Variants in SLC9A7 observed in about 807,000 individuals in gnomAD.
SLC9A7 encodes sodium/hydrogen exchanger 7.
SLC9A7 carries 19 observed loss-of-function variants against 52.6 expected under a neutral mutation model. The observed-to-expected ratio is 0.36, with a 90% CI of 0.25 to 0.53. SLC9A7 has a LOEUF of 0.53. SLC9A7 is among the 20% of genes least tolerant of loss of function. SLC9A7 has a pLI of 0.91. For missense variants in SLC9A7, 455 were observed against 597.9 expected (o/e 0.76, Z 2.49); for synonymous variants, 226 against 252.1 (o/e 0.90, Z 0.98).
At chrX:46,644,236 C>T (rs1569507800) in intron 11 of SLC9A7, among the ~76,000 whole-genome samples, 2 of 112,239 alleles carry the variant, frequency 1.8e-5, no homozygotes, top group South Asian at 7.4e-4. Flanking sequence ...ACCTGATCTG[C>T]ATTAATGGAT....
At chrX:46,723,335 A>G (rs1281662200) in intron 1 of SLC9A7, among the ~76,000 whole-genome samples, 1 of 109,282 alleles carries the variant, frequency 9.2e-6, no homozygotes, top group Admixed American at 9.8e-5. Flanking sequence ...AGAAAGAAAA[A>G]AAACAGAAAG....
chrX:46,674,479 A>G (rs1458669757), intron 3 of SLC9A7, among the ~76,000 whole-genome samples: 1 of 111,896 alleles, frequency 8.9e-6, no homozygotes, highest in East Asian at 2.8e-4. Context: ...AATTCTCACA[A>G]TGATCTATCT....
chrX:46,613,818 G>T (rs569220840), intron 15 of SLC9A7, among the ~76,000 whole-genome samples: 2 of 111,735 alleles, frequency 1.8e-5, no homozygotes, highest in African/African-American at 6.5e-5. Flanking sequence ...TCTCTGCATG[G>T]ATTCCTGTTA....
intron 16 of SLC9A7, among the ~76,000 whole-genome samples, chrX:46,610,362 G>T (rs1431706421): frequency 8.9e-6 from 1 of 112,374 alleles, no homozygotes; most frequent in African/African-American, 3.2e-5. Flanking sequence ...GAACATCTTA[G>T]AAATCTCCAA....
chrX:46,662,278 C>T (rs1943837016), intron 6 of SLC9A7, 121 bp from the exon 7 acceptor site: 8 of 709,658 alleles, frequency 1.1e-5, no homozygotes, highest in Non-Finnish European at 1.6e-5. Flanking sequence ...AGGGTAAATT[C>T]ATTTAATTTA....
At position 46,616,156 on chromosome X, in the gene SLC9A7, TA is replaced by T. The variant is rs775387259; in HGVS notation, c.1824-2763del. The stretch of plus-strand genomic sequence containing the variant: ...GGCAACATGGTGAAACCTCATCTCT[TA>T]AAAAAAAAAAAAAAAGCAAAAATTA... On this transcript the variant is annotated intron_variant, in intron 15 of 16. Coordinates refer to ENST00000616978, the MANE Select transcript of SLC9A7 (RefSeq NM_001257291.2). Among the ~76,000 whole-genome samples the T allele has an allele frequency of 7.0e-3, 584 of 83,936 alleles. 2 individuals are homozygous for T. The highest frequency in any genetic ancestry group is 0.013 in the South Asian group (22 of 1,736). 72.9% of individuals were successfully genotyped at this position (83,936 alleles called of 115,157 possible).
Position 46,653,640 on chromosome X carries a change from C to T in SLC9A7, c.1116G>A (p.Thr372=). ...ATCCGCAGGCTTCTGCCAAGAGAAA[C>T]GTGCTCCAGGACATGAGGAAGAACA... is the stretch of plus-strand genomic sequence containing the variant. ...TALFFLMSWS[T]FLLAEACGFT... Residue 372 remains threonine, a synonymous_variant, in exon 8 of 17, where the codon ACG becomes ACA. Transcript: ENST00000616978. 2 of 1,210,374 alleles carry T rather than the reference C, an allele frequency of 1.7e-6. No homozygotes were observed. The highest frequency in any genetic ancestry group is 1.8e-5 in the South Asian group (1 of 56,893).
Position 46,672,572 on chromosome X carries a change from G to T in SLC9A7, c.659C>A (p.Ala220Asp). Residue 220 changes from alanine to aspartate, a missense_variant, in exon 4 of 17, where the codon GCT (alanine) becomes GAT (aspartate). Ala to Asp is a moderately radical substitution (Grantham distance 126). Around this residue, in one of 3 missense-constraint regions of SLC9A7, gnomAD observed 304 missense variants for 417.8 expected, o/e 0.73. Transcript: ENST00000616978. ...SILAYAFLGT[A>D]VSCFIIGNLM... Reference sequence around the variant, plus strand: ...TTACCCAATAATGAAGCATGAAACAGCAGTCCCCAAGAAGGCATAGGCCAG... The same window carrying T: ...TTACCCAATAATGAAGCATGAAACATCAGTCCCCAAGAAGGCATAGGCCAG... The T allele has an allele frequency of 8.3e-7, 1 of 1,206,587 alleles. No homozygotes were observed. The highest frequency in any genetic ancestry group is 1.1e-6 in the Non-Finnish European group (1 of 891,436).
At chrX:46,663,456 C>T (rs1943861297) in intron 5 of SLC9A7, among the ~76,000 whole-genome samples, 2 of 102,636 alleles carry the variant, frequency 1.9e-5, no homozygotes, top group Admixed American at 2.1e-4. Context: ...CTGACCAACA[C>T]AGTGAAGCCC....
chrX:46,724,099 A>T lies in SLC9A7; in HGVS notation c.325+34606T>A, dbSNP rs1217229352. 3.4e-4 allele frequency among the ~76,000 whole-genome samples: 38 copies of T among 112,247 alleles called. No homozygotes were observed. The Admixed American group carries it at 3.6e-3, about 11-fold the overall frequency. ...CAGAGTGAGATTCCCTCTCAAAACAACAACAGCAGCAACGATGACATTTTA... is the reference window on the plus strand; with the variant it reads ...CAGAGTGAGATTCCCTCTCAAAACATCAACAGCAGCAACGATGACATTTTA... On this transcript the variant is annotated intron_variant, in intron 1 of 16. Transcript: ENST00000616978.
chrX:46,625,285 A>T (rs930830711), intron 14 of SLC9A7, among the ~76,000 whole-genome samples: 4 of 109,131 alleles, frequency 3.7e-5, no homozygotes, highest in Non-Finnish European at 7.6e-5. Context: ...TGGTAGGCAG[A>T]ATAATGGCCA....
At chrX:46,662,492 G>A in intron 6 of SLC9A7, 46 bp downstream of exon 6, 1 of 982,176 alleles carries the variant, frequency 1.0e-6, no homozygotes, top group Non-Finnish European at 1.4e-6. Flanking sequence ...CCAAAGCATA[G>A]AGGAAACTGG....
At chrX:46,660,487 T>C (rs1366924153) in intron 7 of SLC9A7, among the ~76,000 whole-genome samples, 1 of 109,297 alleles carries the variant, frequency 9.1e-6, no homozygotes, top group Non-Finnish European at 1.9e-5. Flanking sequence ...AAAGGGCTAA[T>C]AGCCAGAATC....
intron 3 of SLC9A7, among the ~76,000 whole-genome samples, chrX:46,675,061 A>ATG (rs397895552): frequency 0.073 from 4,987 of 68,733 alleles, 200 homozygotes; most frequent in Non-Finnish European, 0.11. Flanking sequence ...GAGAGAGTGA[A>ATG]TGTGTGTGTG....
chrX:46,648,440 G>A (rs914723064), intron 11 of SLC9A7, among the ~76,000 whole-genome samples: 1 of 111,457 alleles, frequency 9.0e-6, no homozygotes, highest in African/African-American at 3.3e-5. Context: ...CAGGTCCGTT[G>A]AGTGGTAGTG....
intron 5 of SLC9A7, among the ~76,000 whole-genome samples, chrX:46,665,557 C>CAAAAAAAAAAAAAAAAAAAAAAAAAAA (rs754854403): frequency 4.6e-5 from 1 of 21,776 alleles, no homozygotes; most frequent in East Asian, 1.7e-3. Flanking sequence ...GACTCCATCT[C>CAAAAAAAAAAAAAAAAAAAAAAAAAAA]AAAAAAAAAA....
chrX:46,630,655 A>AC (rs1416135319), intron 14 of SLC9A7, among the ~76,000 whole-genome samples: 15 of 111,993 alleles, frequency 1.3e-4, no homozygotes, highest in Non-Finnish European at 2.6e-4. Flanking sequence ...AATCATCCCG[A>AC]CAGCTGCACA....
intron 15 of SLC9A7, among the ~76,000 whole-genome samples, chrX:46,614,343 A>G (rs1306079003): frequency 8.9e-6 from 1 of 112,162 alleles, no homozygotes; most frequent in Non-Finnish European, 1.9e-5. Context: ...GTTTTATAAT[A>G]AAGTATTGAA....
intron 1 of SLC9A7, among the ~76,000 whole-genome samples, chrX:46,712,290 A>T (rs1944703238): frequency 9.0e-6 from 1 of 111,572 alleles, no homozygotes; most frequent in South Asian, 3.8e-4. Flanking sequence ...CAGTGTCCAC[A>T]TCTGTCTCTG....
Sources: gnomAD v4.1 joint callset for allele counts (sites outside exome capture counted in the v4.1 genomes callset) on GRCh38, gnomAD v4.1.1 for gene constraint, gnomAD v4.1.1 regional missense constraint, MANE v1.5 for transcripts, NCBI Gene and HGNC (gene_info 2026-07-23, HGNC 2026-07-21) for gene names.